The following TPX2 variants were observed in gnomAD, a reference collection of about 807,000 sequenced individuals.
The protein encoded by TPX2 is TPX2 microtubule nucleation factor.
TPX2 carries 21 observed loss-of-function variants against 93.6 expected under a neutral mutation model. The ratio of observed to expected loss-of-function variants is 0.22; its 90% confidence interval spans 0.16 to 0.32. TPX2 has a LOEUF of 0.32. Ranked by LOEUF, TPX2 falls within the 10% of genes least tolerant of loss-of-function variation. TPX2 has a pLI of 1.00. For missense variants in TPX2, 776 were observed against 871.1 expected (o/e 0.89, Z 1.37); for synonymous variants, 281 against 298.3 (o/e 0.94, Z 0.60).
At position 31,783,770 on chromosome 20, in the gene TPX2, A is replaced by C. The variant is rs1349840604; in HGVS notation, c.1262A>C (p.Lys421Thr). 6.2e-7 allele frequency: 1 copy of C among 1,613,372 alleles called. No homozygotes were observed. The highest frequency in any genetic ancestry group is 8.5e-7 in the Non-Finnish European group (1 of 1,179,812). ...ILEGGPILPK[K>T]PPVKPPTEPI... ...GAAGGTGGGCCCATCTTGCCCAAGAAACCACCTGTGAAACCACCCACCGAG... is the reference window on the plus strand; with the variant it reads ...GAAGGTGGGCCCATCTTGCCCAAGACACCACCTGTGAAACCACCCACCGAG... Residue 421 changes from lysine to threonine, a missense_variant, in exon 12 of 18, where the codon AAA (lysine) becomes ACA (threonine). By Grantham distance (78) the Lys-to-Thr change is moderately conservative (BLOSUM62 -1). This residue lies in a region of TPX2 where 461 missense variants were observed against 551.2 expected (regional missense o/e 0.84). Coordinates refer to ENST00000300403, the MANE Select transcript of TPX2 (RefSeq NM_012112.5).
intron 9 of TPX2, among the ~76,000 whole-genome samples, chr20:31,778,512 C>A (rs766583138): frequency 2.6e-5 from 4 of 152,002 alleles, no homozygotes; most frequent in Admixed American, 6.6e-5. Flanking sequence ...TTTTTGTCTT[C>A]AATTCTAAGA....
At chr20:31,792,221 A>G (rs551572912) in intron 12 of TPX2, among the ~76,000 whole-genome samples, 1 of 151,946 alleles carries the variant, frequency 6.6e-6, no homozygotes, top group East Asian at 2.0e-4. Context: ...TAGCTGGGCA[A>G]AGTGGTGCGC....
At chr20:31,746,816 T>G (rs967720480) in intron 2 of TPX2, among the ~76,000 whole-genome samples, 3 of 152,240 alleles carry the variant, frequency 2.0e-5, no homozygotes, top group African/African-American at 7.2e-5. Flanking sequence ...TTCAGATGAA[T>G]GTGGGAACAG....
intron 3 of TPX2, among the ~76,000 whole-genome samples, chr20:31,758,312 G>A (rs2061864479): frequency 6.6e-6 from 1 of 151,958 alleles, no homozygotes; most frequent in African/African-American, 2.4e-5. Context: ...TAGAGACAGT[G>A]TTTTGCCATG....
intron 3 of TPX2, among the ~76,000 whole-genome samples, chr20:31,758,755 TG>T (rs1034636824): frequency 9.2e-5 from 14 of 152,146 alleles, no homozygotes; most frequent in African/African-American, 3.1e-4. Context: ...AGTCGTCTGT[TG>T]GAAGTGGTGT....
chr20:31,772,179 C>G (rs2061968533), intron 7 of TPX2, among the ~76,000 whole-genome samples: 2 of 152,064 alleles, frequency 1.3e-5, no homozygotes, highest in South Asian at 4.1e-4. Context: ...CACCACCACA[C>G]CCGGCTAATT....
At chr20:31,776,471 CTACATATATTGGTATTT>C (rs1299805893) in intron 8 of TPX2, among the ~76,000 whole-genome samples, 2 of 151,406 alleles carry the variant, frequency 1.3e-5, no homozygotes, top group Non-Finnish European at 2.9e-5. Context: ...TTAGCACTTT[CTACATATATTGGTATTT>C]TACATATATT....
chr20:31,800,327 C>G (rs1346363933), intron 17 of TPX2, among the ~76,000 whole-genome samples: 5 of 152,150 alleles, frequency 3.3e-5, no homozygotes. Context: ...GCATTTGGTA[C>G]CTGCCTCTTG....
At chr20:31,739,682 C>A (rs537271750) in intron 1 of TPX2, 61 bp downstream of exon 1, 1 of 152,370 alleles carries the variant, frequency 6.6e-6, no homozygotes, top group East Asian at 1.9e-4. Flanking sequence ...GAACTAAGCA[C>A]CCTGCATGCC....
intron 4 of TPX2, among the ~76,000 whole-genome samples, chr20:31,766,095 A>G (rs1341176186): frequency 1.3e-5 from 2 of 152,188 alleles, no homozygotes; most frequent in Non-Finnish European, 2.9e-5. Flanking sequence ...ATACAATTGA[A>G]AGTTTATCTT....
In TPX2 at chr20:31,775,999, C is replaced by T. The variant is rs769588978; in HGVS notation, c.730+11C>T. On this transcript the variant is annotated intron_variant, in intron 8 of 17. Transcript: ENST00000300403. ...CTCTGGCTGGAATAGGTGAGCTTGG[C>T]TGTGGTTGAGTCTGATTCATGAGGG... The T allele has an allele frequency of 7.3e-7, 1 of 1,375,104 alleles. No individual in the cohort carries two copies. Among genetic ancestry groups the T allele is most frequent in the Non-Finnish European group, 9.6e-7 (1 of 1,043,230 alleles). The allele number at this position is 1,375,104 out of a possible 1,614,324, so 85.2% of individuals were successfully genotyped here. A position where few individuals can be genotyped will look rare whatever the true frequency, so the allele number is the denominator to read the frequency against.
At chr20:31,792,890 T>C in intron 13 of TPX2, 60 bp downstream of exon 13, 1 of 1,452,378 alleles carries the variant, frequency 6.9e-7, no homozygotes, top group Non-Finnish European at 9.6e-7. Context: ...AATCTAAGCC[T>C]TATCATTTAT....
chr20:31,776,721 TTCA>T, intron 8 of TPX2, among the ~76,000 whole-genome samples: 1 of 151,786 alleles, frequency 6.6e-6, no homozygotes, highest in Non-Finnish European at 1.5e-5. Flanking sequence ...GAGATGGGAT[TTCA>T]TCATGTTGGC....
At chr20:31,762,583 C>A (rs952093769) in intron 4 of TPX2, among the ~76,000 whole-genome samples, 3 of 152,074 alleles carry the variant, frequency 2.0e-5, no homozygotes, top group East Asian at 1.9e-4. Context: ...CTCCTGACTT[C>A]AAGTGATCCT....
intron 12 of TPX2, among the ~76,000 whole-genome samples, chr20:31,784,483 C>G (rs1002046840): frequency 3.3e-5 from 5 of 152,198 alleles, no homozygotes; most frequent in African/African-American, 1.2e-4. Flanking sequence ...AGTAAGAGTT[C>G]AGACACTCTA....
rs2123024708 is a variant in TPX2, at chr20:31,770,454, C to T, written c.468C>T (p.Pro156=). The T allele has an allele frequency of 6.3e-7, 1 of 1,580,536 alleles. No homozygotes were observed. The highest frequency in any genetic ancestry group is 8.6e-7 in the Non-Finnish European group (1 of 1,164,370). ...CTGTAATCATCGATGAAATTCTACC[C>T]TCTAAGAAAATGAAAGTGTGAGTAG... ...ATPVIIDEIL[P]SKKMKVSNNK... is the part of the protein sequence containing the mutation. Residue 156 remains proline (P), a synonymous_variant, in exon 6 of 18, where the codon CCC becomes CCT. Coordinates refer to ENST00000300403, the MANE Select transcript of TPX2 (RefSeq NM_012112.5).
chr20:31,778,731 C>T, intron 9 of TPX2, 82 bp from the exon 10 acceptor site: 2 of 1,331,930 alleles, frequency 1.5e-6, no homozygotes, highest in Non-Finnish European at 2.0e-6. Context: ...TTTTATTGAT[C>T]CTCTGTGCCG....
At chr20:31,777,778 ATC>A in intron 9 of TPX2, 140 bp downstream of exon 9, 1 of 869,992 alleles carries the variant, frequency 1.1e-6, no homozygotes, top group Non-Finnish European at 1.6e-6. Flanking sequence ...AATATAACAG[ATC>A]TTTTTTTTTT....
rs544055078 is a variant in TPX2, at chr20:31,760,426, C to G, written c.229+247C>G. ...TAAGATGGGGTCTGGTTCTGTCACCCAGGCTGGTGGAGTACAGTGGCACAG... is the reference window on the plus strand; with the variant it reads ...TAAGATGGGGTCTGGTTCTGTCACCGAGGCTGGTGGAGTACAGTGGCACAG... On this transcript the variant is annotated intron_variant, in intron 4 of 17. Coordinates refer to ENST00000300403, the MANE Select transcript of TPX2 (RefSeq NM_012112.5). 5.3e-5 allele frequency among the ~76,000 whole-genome samples: 8 copies of G among 151,604 alleles called. No homozygotes were observed. The East Asian group carries it at 1.5e-3, about 29-fold the overall frequency.
Sources: allele counts gnomAD v4.1 joint callset (sites outside exome capture counted in the v4.1 genomes callset), GRCh38; gene constraint gnomAD v4.1.1; regional missense constraint gnomAD v4.1.1; transcripts MANE v1.5; gene names NCBI Gene and HGNC (gene_info 2026-07-23, HGNC 2026-07-21).